The following CMTM4 variants were observed in gnomAD, a reference collection of about 807,000 sequenced individuals.
The protein encoded by CMTM4 is CKLF like MARVEL transmembrane domain containing 4.
A neutral mutation model predicts 19.0 loss-of-function variants in CMTM4; 8 were observed. That is an observed-to-expected ratio of 0.42 (90% CI 0.25 to 0.76). The LOEUF (loss-of-function observed/expected upper bound fraction) is 0.76, where lower values mean the gene tolerates loss of function less well. Ranked by LOEUF, CMTM4 falls within the 30% of genes least tolerant of loss-of-function variation. The pLI is 0.27. For missense variants in CMTM4, 228 were observed against 290.2 expected, an observed-to-expected ratio of 0.79 and a Z score of 1.56; for synonymous variants, 106 against 121.1, an observed-to-expected ratio of 0.88 and a Z score of 0.82.
intron 1 of CMTM4, among the ~76,000 whole-genome samples, chr16:66,657,524 T>C (rs981979371): frequency 2.0e-5 from 3 of 152,168 alleles, no homozygotes; most frequent in Non-Finnish European, 2.9e-5. Context: ...TCTATAAATA[T>C]ACATATACAG....
At chr16:66,652,775 C>T (rs1012563666) in intron 1 of CMTM4, among the ~76,000 whole-genome samples, 3 of 152,076 alleles carry the variant, frequency 2.0e-5, no homozygotes, top group African/African-American at 7.2e-5. Flanking sequence ...AAAGAAAATC[C>T]AGAAATCCTT....
chr16:66,667,991 TTTTG>T (rs1211433818), intron 1 of CMTM4, among the ~76,000 whole-genome samples: 9 of 152,222 alleles, frequency 5.9e-5, no homozygotes, highest in East Asian at 5.8e-4. Flanking sequence ...TTTGTGAGTT[TTTTG>T]TTTGTTTGTT....
At chr16:66,644,567 A>C (rs1345107489) in intron 1 of CMTM4, among the ~76,000 whole-genome samples, 1 of 152,204 alleles carries the variant, frequency 6.6e-6, no homozygotes, top group East Asian at 1.9e-4. Context: ...AATATTCACT[A>C]TTGTACCTGT....
chr16:66,682,020 C>G (rs937400906), intron 1 of CMTM4, among the ~76,000 whole-genome samples: 1 of 152,174 alleles, frequency 6.6e-6, no homozygotes, highest in Non-Finnish European at 1.5e-5. Flanking sequence ...AGGCCTCTAT[C>G]ACAGCCCCTG....
chr16:66,619,951 T>C lies in CMTM4; in HGVS notation c.*2107A>G. The C allele has an allele frequency of 1.0e-6, 1 of 985,448 alleles. No homozygotes were observed. Among genetic ancestry groups the C allele is most frequent in the Non-Finnish European group, 1.2e-6 (1 of 829,946 alleles). The allele number at this position is 985,448 out of a possible 1,614,324, so 61.0% of individuals were successfully genotyped here. ...GTTTCAGTGACTTCAGAACTATTTC[T>C]TGCAGCTGACAACATATCCTCAGGA... is the stretch of plus-strand genomic sequence containing the variant. On this transcript the variant is annotated 3_prime_UTR_variant, in exon 4 of 4. Transcript: ENST00000394106.
intron 1 of CMTM4, among the ~76,000 whole-genome samples, chr16:66,657,584 A>G (rs2016422348): frequency 1.3e-5 from 2 of 152,230 alleles, no homozygotes; most frequent in South Asian, 2.1e-4. Context: ...GATAAAGCTA[A>G]TATGGTGAAA....
intron 1 of CMTM4, among the ~76,000 whole-genome samples, chr16:66,651,932 T>C (rs941430271): frequency 6.6e-6 from 1 of 152,260 alleles, no homozygotes; most frequent in African/African-American, 2.4e-5. Flanking sequence ...TTATTCAATC[T>C]GCAACCAAGG....
intron 1 of CMTM4, among the ~76,000 whole-genome samples, chr16:66,690,143 C>A (rs998810737): frequency 2.0e-5 from 3 of 152,170 alleles, no homozygotes; most frequent in African/African-American, 7.2e-5. Flanking sequence ...TACAAGGAGC[C>A]ACAGAATGGT....
intron 1 of CMTM4, among the ~76,000 whole-genome samples, chr16:66,652,608 C>A (rs1215795319): frequency 6.6e-6 from 1 of 152,200 alleles, no homozygotes; most frequent in African/African-American, 2.4e-5. Flanking sequence ...TAGAAGCATG[C>A]TCTAACGCAT....
the CMTM4 span, among the ~76,000 whole-genome samples, chr16:66,607,957 C>T: frequency 6.6e-6 from 1 of 152,016 alleles, no homozygotes; most frequent in East Asian, 1.9e-4. Context: ...GTGATCCTCC[C>T]ACCTCAGCCT....
chr16:66,636,838 T>C (rs1287935705), intron 1 of CMTM4, among the ~76,000 whole-genome samples: 1 of 152,200 alleles, frequency 6.6e-6, no homozygotes, highest in Non-Finnish European at 1.5e-5. Flanking sequence ...ATCAATCTGG[T>C]GTGATGTGGC....
rs796625203 is a variant in CMTM4 at position 66,683,315 on chromosome 16, G to A, written c.186+13025C>T. ...TTTTTTTTTTTTTTTTTTTTGAGAC[G>A]GAGTCTTGCTCTGTCACCCAGGCTG... On this transcript the variant is annotated intron_variant, in intron 1 of 3. Transcript: ENST00000394106. Among the ~76,000 whole-genome samples the A allele has an allele frequency of 8.5e-4, 89 of 104,430 alleles. 1 individual carries two copies. Among genetic ancestry groups the A allele is most frequent in the African/African-American group, 3.2e-3 (83 of 25,910 alleles). The allele number at this position is 104,430 out of a possible 152,430, so 68.5% of individuals were successfully genotyped here.
At chr16:66,654,246 G>A (rs745763880) in intron 1 of CMTM4, among the ~76,000 whole-genome samples, 1 of 152,134 alleles carries the variant, frequency 6.6e-6, no homozygotes, top group Non-Finnish European at 1.5e-5. Context: ...AACCAGCCAA[G>A]ATAAGTCTTG....
chr16:66,648,942 A>G (rs1271311833), intron 1 of CMTM4, among the ~76,000 whole-genome samples: 1 of 152,200 alleles, frequency 6.6e-6, no homozygotes, highest in Admixed American at 6.5e-5. Context: ...ACTGCACTCC[A>G]GCCTGGCTGA....
the CMTM4 span, among the ~76,000 whole-genome samples, chr16:66,601,095 G>A: frequency 6.7e-6 from 1 of 148,906 alleles, no homozygotes; most frequent in African/African-American, 2.5e-5. Context: ...GTGTGTGTGT[G>A]TGTGTGTGTG....
chr16:66,605,041 C>A, the CMTM4 span: 2 of 1,211,878 alleles, frequency 1.7e-6, no homozygotes, highest in Non-Finnish European at 2.1e-6. The surrounding 1 kb of genome is among the most constrained non-coding windows in gnomAD (Gnocchi z 4.6). Flanking sequence ...GGTCCGGGGG[C>A]GGCCGCCGTG....
At chr16:66,690,089 A>T (rs1208282905) in intron 1 of CMTM4, among the ~76,000 whole-genome samples, 1 of 152,142 alleles carries the variant, frequency 6.6e-6, no homozygotes, top group Non-Finnish European at 1.5e-5. Context: ...CAGGAAGACA[A>T]CTCCTAAAGA....
intron 1 of CMTM4, among the ~76,000 whole-genome samples, chr16:66,679,000 G>A (rs1297230696): frequency 7.2e-5 from 11 of 151,768 alleles, no homozygotes; most frequent in Non-Finnish European, 5.9e-5. Flanking sequence ...TTGGGGGGCT[G>A]AGGTGGGAGG....
chr16:66,610,131 G>A, downstream of CMTM4: 1 of 1,228,504 alleles, frequency 8.1e-7, no homozygotes, highest in Non-Finnish European at 1.1e-6. The surrounding 1 kb of genome is among the most constrained non-coding windows in gnomAD (Gnocchi z 4.6). Flanking sequence ...TGTTTTCACA[G>A]CCCATTCTCA....
Sources: allele counts gnomAD v4.1 joint callset (sites outside exome capture counted in the v4.1 genomes callset), GRCh38; gene constraint gnomAD v4.1.1; non-coding constraint Gnocchi (gnomAD v3.1); transcripts MANE v1.5; gene names NCBI Gene and HGNC (gene_info 2026-07-23, HGNC 2026-07-21).